DNAJB13: variants seen among roughly 807,000 people sequenced by gnomAD.
The protein encoded by DNAJB13 is DnaJ heat shock protein family (Hsp40) member B13.
In DNAJB13, 22 loss-of-function variants were observed where a neutral mutation model predicts 35.6. The ratio of observed to expected loss-of-function variants is 0.62; its 90% CI spans 0.44 to 0.88. DNAJB13 has a LOEUF of 0.88. Ranked by LOEUF, DNAJB13 falls within the 40% of genes least tolerant of loss-of-function variation. The pLI is 0.00. For missense variants in DNAJB13, 370 were observed against 384.3 expected (o/e 0.96, Z 0.31); for synonymous variants, 136 against 144.2 (o/e 0.94, Z 0.41).
intron 3 of DNAJB13, among the ~76,000 whole-genome samples, chr11:73,960,631 A>G (rs1354494100): frequency 6.6e-6 from 1 of 152,152 alleles, no homozygotes; most frequent in East Asian, 1.9e-4. Context: ...CGAGCCCTCC[A>G]TTTTCTTCCT....
chr11:73,969,096 A>G (rs573016287), intron 6 of DNAJB13, 150 bp from the exon 7 acceptor site: 2 of 491,616 alleles, frequency 4.1e-6, no homozygotes, highest in East Asian at 6.9e-5. Flanking sequence ...AGAAAATTGC[A>G]TGGGTCATTC....
At chr11:73,962,874 G>A (rs903976803) in intron 3 of DNAJB13, among the ~76,000 whole-genome samples, 3 of 152,278 alleles carry the variant, frequency 2.0e-5, no homozygotes, top group African/African-American at 2.4e-5. Context: ...TTCGAGTAGC[G>A]GGCCTGTTTC....
chr11:73,956,990 G>A (rs1055591570), intron 1 of DNAJB13, among the ~76,000 whole-genome samples: 7 of 152,098 alleles, frequency 4.6e-5, no homozygotes, highest in Non-Finnish European at 1.0e-4. Flanking sequence ...TGGAACTCTG[G>A]GGATGGCGGC....
In DNAJB13 at chr11:73,968,354, A is replaced by G. The variant is rs749402265; in HGVS notation, c.616A>G (p.Ile206Val). Reference protein sequence around the residue: ...FEKEGDQGPNIIPADIIFIVK... With the variant: ...FEKEGDQGPNVIPADIIFIVK... ...GGCGTCCCCTGCCCAGGGCCCCAAC[A>G]TCATCCCAGCAGACATCATTTTCAT... The change falls in exon 6 of 8, where the codon ATC (isoleucine) becomes GTC (valine). Residue 206 changes from isoleucine to valine, a missense_variant. Ile to Val is a conservative substitution (Grantham distance 29, BLOSUM62 3). Transcript: ENST00000339764. 1.2e-6 allele frequency: 2 copies of G among 1,614,124 alleles called. No individual in the cohort carries two copies. The highest frequency in any genetic ancestry group is 1.7e-6 in the Non-Finnish European group (2 of 1,180,010).
At chr11:73,951,402 C>T (rs1950581854) in intron 1 of DNAJB13, among the ~76,000 whole-genome samples, 1 of 152,118 alleles carries the variant, frequency 6.6e-6, no homozygotes, top group Non-Finnish European at 1.5e-5. Context: ...CTTGCTTTTC[C>T]CAGCAATGAA....
At chr11:73,966,084 CTG>C (rs760150428) in intron 4 of DNAJB13, 52 bp from the exon 5 acceptor site, 67 of 1,506,664 alleles carry the variant, frequency 4.4e-5, no homozygotes, top group Non-Finnish European at 5.4e-5. Flanking sequence ...CAAATCTCGA[CTG>C]TACTCATGGA....
chr11:73,964,889 G>A lies in DNAJB13; in HGVS notation c.346G>A (p.Ala116Thr), dbSNP rs546391601. 1 of 1,611,528 alleles carries A rather than the reference G, an allele frequency of 6.2e-7. No homozygotes were observed. The highest frequency in any genetic ancestry group is 2.2e-5 in the East Asian group (1 of 44,688). ...CCTACCTCCTGCAGAGTTTTTTGAT[G>A]CAGAAGGAAGTGAGGTAGATTTGAA... ...GNNPFSEFFD[A>T]EGSEVDLNFG... The change falls in exon 4 of 8, where the codon GCA (alanine) becomes ACA (threonine). Residue 116 changes from alanine (A) to threonine (T), a missense_variant. Transcript: ENST00000339764.
rs1340440675 is a variant in DNAJB13 at position 73,969,560 on chromosome 11, G to T, written c.797+238G>T. ...CACAAAGCCACTGCAGAGGCTAGAGGCCCCCATTGTTGGGCAACCCTGTAG... is the reference window on the plus strand; with the variant it reads ...CACAAAGCCACTGCAGAGGCTAGAGTCCCCCATTGTTGGGCAACCCTGTAG... On this transcript the variant is annotated intron_variant, in intron 7 of 7. Coordinates refer to ENST00000339764, the MANE Select transcript of DNAJB13 (RefSeq NM_153614.4). 2.6e-5 allele frequency among the ~76,000 whole-genome samples: 4 copies of T among 152,214 alleles called. No homozygotes were observed. The East Asian group carries it at 7.7e-4, about 29-fold the overall frequency.
At chr11:73,969,436 G>C in intron 7 of DNAJB13, 114 bp downstream of exon 7, 2 of 701,112 alleles carry the variant, frequency 2.9e-6, no homozygotes, top group Non-Finnish European at 2.5e-6. Flanking sequence ...CAGCAGAAGG[G>C]TTCCCTGCTG....
chr11:73,959,011 TAGA>T (rs552306145), intron 2 of DNAJB13, among the ~76,000 whole-genome samples: 1 of 152,350 alleles, frequency 6.6e-6, no homozygotes, highest in Admixed American at 6.5e-5. Flanking sequence ...GAAGTGCAGC[TAGA>T]AGATCACTAA....
chr11:73,958,814 T>G (rs1950836926), intron 2 of DNAJB13, among the ~76,000 whole-genome samples: 2 of 152,168 alleles, frequency 1.3e-5, no homozygotes, highest in South Asian at 4.1e-4. Flanking sequence ...TCCCAGTGGC[T>G]TAGTGTCCAT....
chr11:73,957,596 C>T (rs949904365), intron 1 of DNAJB13, among the ~76,000 whole-genome samples: 1 of 152,148 alleles, frequency 6.6e-6, no homozygotes, highest in African/African-American at 2.4e-5. Context: ...TTTAACCACC[C>T]GTTGAAGTCA....
intron 3 of DNAJB13, 162 bp from the exon 4 acceptor site, chr11:73,964,716 T>G (rs1441606654): frequency 1.3e-6 from 1 of 743,226 alleles, no homozygotes. Flanking sequence ...GGATGCTGGG[T>G]GTTACACAGG....
rs751008022 is a variant in DNAJB13 at position 73,959,457 on chromosome 11, A to C, written c.173-37A>C. 3 of 1,588,082 alleles carry C rather than the reference A, an allele frequency of 1.9e-6. No individual in the cohort carries two copies. The Middle Eastern group carries it at 5.2e-4, about 275-fold the overall frequency. ...GCCCCTCCACCTATCTCAGCCCCCA[A>C]AGTTGGACACCTCCTTAAGGTGATG... On this transcript the variant is annotated intron_variant, in intron 2 of 7. Transcript: ENST00000339764.
intron 3 of DNAJB13, among the ~76,000 whole-genome samples, chr11:73,962,901 A>T (rs1445794498): frequency 6.6e-6 from 1 of 152,172 alleles, no homozygotes; most frequent in Admixed American, 6.5e-5. Flanking sequence ...ATGCGCTGCC[A>T]TTTGTGAACC....
intron 2 of DNAJB13, among the ~76,000 whole-genome samples, chr11:73,959,045 T>G (rs1465784682): frequency 6.6e-6 from 1 of 152,190 alleles, no homozygotes; most frequent in East Asian, 1.9e-4. Context: ...GCCCCGAGTT[T>G]TCAGGACTTC....
chr11:73,953,934 G>GC (rs1400359091), intron 1 of DNAJB13, among the ~76,000 whole-genome samples: 9 of 150,560 alleles, frequency 6.0e-5, no homozygotes, highest in Admixed American at 1.3e-4. Flanking sequence ...CTTACAGTGA[G>GC]CGAGATTGCG....
intron 1 of DNAJB13, among the ~76,000 whole-genome samples, chr11:73,957,666 AGT>A (rs1950791452): frequency 6.6e-6 from 1 of 152,230 alleles, no homozygotes; most frequent in South Asian, 2.1e-4. Flanking sequence ...CAGGAACAGA[AGT>A]GGGGAAAAAA....
chr11:73,953,262 A>G (rs547002448), intron 1 of DNAJB13, among the ~76,000 whole-genome samples: 102 of 152,160 alleles, frequency 6.7e-4, no homozygotes, highest in Admixed American at 1.6e-3. Context: ...ACCGTGGCTC[A>G]TGCCTGTAAT....
Sources: allele counts gnomAD v4.1 joint callset (sites outside exome capture counted in the v4.1 genomes callset), GRCh38; gene constraint gnomAD v4.1.1; transcripts MANE v1.5; gene names NCBI Gene and HGNC (gene_info 2026-07-23, HGNC 2026-07-21).